The following ZFAND3 variants were observed in gnomAD, a reference collection of about 807,000 sequenced individuals.
ZFAND3 encodes the protein zinc finger AN1-type containing 3.
A neutral mutation model predicts 29.6 loss-of-function variants in ZFAND3; 10 were observed. The observed-to-expected ratio is 0.34, with a 90% CI of 0.21 to 0.57. The LOEUF (loss-of-function observed/expected upper bound fraction) is 0.57. ZFAND3 is among the 20% of genes least tolerant of loss of function. The probability of loss-of-function intolerance (pLI) is 0.86; values close to 1 mark genes in which losing one functional copy is unlikely to be tolerated. For missense variants in ZFAND3, 230 were observed against 304.5 expected, an observed-to-expected ratio of 0.76 and a Z score of 1.82; for synonymous variants, 128 against 112.6, an observed-to-expected ratio of 1.14 and a Z score of -0.87.
chr6:38,149,265 C>A (rs1031460891), intron 5 of ZFAND3, among the ~76,000 whole-genome samples: 4 of 151,888 alleles, frequency 2.6e-5, no homozygotes, highest in African/African-American at 7.3e-5. Flanking sequence ...TATAAAAAAA[C>A]AGCTAGGTGT....
intron 5 of ZFAND3, among the ~76,000 whole-genome samples, chr6:38,150,117 A>G (rs905682927): frequency 2.0e-5 from 3 of 152,268 alleles, no homozygotes; most frequent in Non-Finnish European, 2.9e-5. Flanking sequence ...GAGGCCATCC[A>G]TGCCTCTGCT....
chr6:38,091,393 T>C (rs1445302184), intron 4 of ZFAND3, among the ~76,000 whole-genome samples: 3 of 151,660 alleles, frequency 2.0e-5, no homozygotes, highest in Non-Finnish European at 4.4e-5. Context: ...GTTGCTCCAC[T>C]GGGGCAAAAT....
intron 2 of ZFAND3, among the ~76,000 whole-genome samples, chr6:38,049,882 AC>A (rs1443909897): frequency 0.053 from 2,238 of 42,118 alleles, 50 homozygotes; most frequent in African/African-American, 0.14. Flanking sequence ...CCCCACCCCC[AC>A]CCCCACCCCC....
intron 2 of ZFAND3, among the ~76,000 whole-genome samples, chr6:38,048,158 A>T (rs1763944103): frequency 6.6e-6 from 1 of 151,818 alleles, no homozygotes; most frequent in Non-Finnish European, 1.5e-5. Flanking sequence ...GGCGCGCACC[A>T]TTATGCCTGG....
At chr6:38,129,997 C>T (rs996348158) in intron 5 of ZFAND3, among the ~76,000 whole-genome samples, 11 of 151,950 alleles carry the variant, frequency 7.2e-5, no homozygotes, top group Non-Finnish European at 1.0e-4. Context: ...GATTTCTTTC[C>T]GCAATGTTTG....
intron 2 of ZFAND3, among the ~76,000 whole-genome samples, chr6:38,000,605 C>T (rs1294006597): frequency 6.6e-6 from 1 of 152,084 alleles, no homozygotes; most frequent in Non-Finnish European, 1.5e-5. Context: ...TCAGGAGAAC[C>T]GCCTGGGAAA....
At chr6:38,016,921 T>C (rs1300480803) in intron 2 of ZFAND3, among the ~76,000 whole-genome samples, 2 of 152,194 alleles carry the variant, frequency 1.3e-5, no homozygotes, top group Non-Finnish European at 2.9e-5. Context: ...GGAAAACTCT[T>C]CCTTACTATG....
At chr6:37,903,779 C>T (rs1765360996) in intron 1 of ZFAND3, among the ~76,000 whole-genome samples, 1 of 152,188 alleles carries the variant, frequency 6.6e-6, no homozygotes, top group South Asian at 2.1e-4. Flanking sequence ...AAATTGTTTT[C>T]CATAAATAAG....
At chr6:38,037,674 A>G (rs529678888) in intron 2 of ZFAND3, among the ~76,000 whole-genome samples, 1 of 152,304 alleles carries the variant, frequency 6.6e-6, no homozygotes, top group Non-Finnish European at 1.5e-5. Context: ...GGGGCCACAC[A>G]AAGGGTGCAC....
At chr6:37,889,645 T>C (rs1188800351) in intron 1 of ZFAND3, among the ~76,000 whole-genome samples, 1 of 152,210 alleles carries the variant, frequency 6.6e-6, no homozygotes, top group East Asian at 1.9e-4. Flanking sequence ...TGAGACCCAG[T>C]GTGCTTGATA....
chr6:37,955,508 T>C (rs1223256542), intron 2 of ZFAND3, among the ~76,000 whole-genome samples: 1 of 152,212 alleles, frequency 6.6e-6, no homozygotes, highest in African/African-American at 2.4e-5. Flanking sequence ...TTTAAAGTGA[T>C]GGAGCACCCC....
intron 2 of ZFAND3, among the ~76,000 whole-genome samples, chr6:37,936,225 A>G (rs957437995): frequency 2.0e-5 from 3 of 152,180 alleles, no homozygotes; most frequent in Non-Finnish European, 4.4e-5. Context: ...AGAAATTTTA[A>G]AAGAACTGAC....
chr6:37,837,341 A>G (rs948414795), intron 1 of ZFAND3, among the ~76,000 whole-genome samples: 1 of 152,160 alleles, frequency 6.6e-6, no homozygotes, highest in Non-Finnish European at 1.5e-5. Flanking sequence ...AGTTTTTTTC[A>G]GATATTCTAA....
chr6:37,897,883 T>C (rs964581567), intron 1 of ZFAND3, among the ~76,000 whole-genome samples: 4 of 152,180 alleles, frequency 2.6e-5, no homozygotes, highest in Middle Eastern at 3.2e-3. Flanking sequence ...AATAAATAAA[T>C]TGGGAGTCAG....
chr6:37,832,143 G>T (rs1763873382), intron 1 of ZFAND3, among the ~76,000 whole-genome samples: 2 of 152,158 alleles, frequency 1.3e-5, no homozygotes, highest in South Asian at 4.1e-4. Context: ...TGGACCATGG[G>T]AGCCTGTGGA....
intron 1 of ZFAND3, among the ~76,000 whole-genome samples, chr6:37,910,397 A>G (rs758000350): frequency 6.6e-6 from 1 of 151,744 alleles, no homozygotes; most frequent in Non-Finnish European, 1.5e-5. Flanking sequence ...ATTAAGTGAC[A>G]TGAGAGTCTA....
chr6:37,976,597 A>C (rs953620766), intron 2 of ZFAND3, among the ~76,000 whole-genome samples: 15 of 151,742 alleles, frequency 9.9e-5, no homozygotes, highest in South Asian at 2.1e-4. Context: ...AAAAAAAAAA[A>C]AAAAAAAAAG....
intron 2 of ZFAND3, among the ~76,000 whole-genome samples, chr6:37,984,195 A>G (rs1401097066): frequency 5.3e-5 from 8 of 152,228 alleles, no homozygotes; most frequent in African/African-American, 1.9e-4. Flanking sequence ...TATTGGACCA[A>G]TATGGTAATT....
intron 1 of ZFAND3, among the ~76,000 whole-genome samples, chr6:37,921,367 G>T (rs1761375042): frequency 6.6e-6 from 1 of 151,414 alleles, no homozygotes; most frequent in Admixed American, 6.6e-5. Context: ...TTACGTGCTG[G>T]TACTGTTTTT....
Sources: allele counts gnomAD v4.1 joint callset (sites outside exome capture counted in the v4.1 genomes callset), GRCh38; gene constraint gnomAD v4.1.1; transcripts MANE v1.5; gene names NCBI Gene and HGNC (gene_info 2026-07-23, HGNC 2026-07-21).